DOCK3: variants seen among roughly 807,000 people sequenced by gnomAD.
DOCK3 encodes the protein dedicator of cytokinesis 3.
DOCK3 carries 60 observed loss-of-function variants against 265.6 expected under a neutral mutation model. The observed-to-expected ratio is 0.23, with a 90% CI of 0.18 to 0.28. The LOEUF (loss-of-function observed/expected upper bound fraction) is 0.28. Among genes scored for constraint, DOCK3 ranks in the 10% least tolerant of loss-of-function variants. DOCK3 has a pLI of 1.00. For missense variants in DOCK3, 1,981 were observed against 2,594.3 expected (o/e 0.76, Z 5.14); for synonymous variants, 881 against 938.0 (o/e 0.94, Z 1.11).
intron 1 of DOCK3, among the ~76,000 whole-genome samples, chr3:50,759,579 T>G (rs540072183): frequency 6.6e-6 from 1 of 151,472 alleles, no homozygotes; most frequent in Admixed American, 6.6e-5. Context: ...GGCCCACACC[T>G]GTAATCCCAG....
intron 1 of DOCK3, among the ~76,000 whole-genome samples, chr3:50,678,808 ATT>A (rs5848883): frequency 6.0e-5 from 9 of 150,060 alleles, no homozygotes; most frequent in East Asian, 2.0e-4. Context: ...TGCCTGCCTA[ATT>A]TTTTTTTTTC....
intron 27 of DOCK3, among the ~76,000 whole-genome samples, chr3:51,303,223 C>T (rs929480835): frequency 2.6e-5 from 4 of 151,930 alleles, no homozygotes; most frequent in African/African-American, 7.3e-5. Flanking sequence ...CTTGTGTTTA[C>T]ACTGTGAAGT....
At chr3:51,223,443 G>C (rs1435103428) in intron 14 of DOCK3, among the ~76,000 whole-genome samples, 1 of 152,048 alleles carries the variant, frequency 6.6e-6, no homozygotes, top group Non-Finnish European at 1.5e-5. Flanking sequence ...ATAACTTCCA[G>C]AGAGTTCAAA....
At position 51,358,096 on chromosome 3, in the gene DOCK3, T is replaced by C; in HGVS notation, c.4884+19T>C. On this transcript the variant is annotated intron_variant, in intron 46 of 52. Coordinates refer to ENST00000266037, the MANE Select transcript of DOCK3 (RefSeq NM_004947.5). ...CTACCATGTAAGTTGATCCCTGTCCTGCCCCTGCTGCAGTAGAACCAGGTG... is the reference window on the plus strand; with the variant it reads ...CTACCATGTAAGTTGATCCCTGTCCCGCCCCTGCTGCAGTAGAACCAGGTG... 1 of 1,609,372 alleles carries C rather than the reference T, an allele frequency of 6.2e-7. No individual in the cohort carries two copies. The highest frequency in any genetic ancestry group is 2.2e-5 in the East Asian group (1 of 44,866).
intron 27 of DOCK3, among the ~76,000 whole-genome samples, chr3:51,286,345 T>G (rs1420194295): frequency 6.6e-6 from 1 of 152,182 alleles, no homozygotes; most frequent in Non-Finnish European, 1.5e-5. Context: ...ACATTCCATG[T>G]TCATGGCTAG....
intron 1 of DOCK3, among the ~76,000 whole-genome samples, chr3:50,690,886 C>G (rs1410516317): frequency 6.6e-6 from 1 of 151,794 alleles, no homozygotes; most frequent in Admixed American, 6.6e-5. Flanking sequence ...CGTGATCCAC[C>G]CACCTCGGCT....
intron 2 of DOCK3, among the ~76,000 whole-genome samples, chr3:50,805,539 C>A (rs142224959): frequency 6.6e-6 from 1 of 152,098 alleles, no homozygotes; most frequent in South Asian, 2.1e-4. Context: ...GCAGGCACAC[C>A]GCTGCTTAGC....
rs376609255 is a variant in DOCK3, at chr3:51,153,074, T to C, written c.829-6170T>C. Among the ~76,000 whole-genome samples the C allele has an allele frequency of 1.8e-4, 28 of 152,392 alleles. 1 individual carries two copies. Among genetic ancestry groups the C allele is most frequent in the East Asian group, 1.5e-3 (8 of 5,188 alleles). On this transcript the variant is annotated intron_variant, in intron 10 of 52. Coordinates refer to ENST00000266037, the MANE Select transcript of DOCK3 (RefSeq NM_004947.5). Reference sequence around the variant, plus strand: ...CGTTTAAGTCTGCAGAAGTTTCTGCTGCCTTTTGTTCAGCTATGCCCTGCC... The same window carrying C: ...CGTTTAAGTCTGCAGAAGTTTCTGCCGCCTTTTGTTCAGCTATGCCCTGCC...
rs2081408891 is a variant in DOCK3, at chr3:51,286,441, T to C, written c.2922+6237T>C. On this transcript the variant is annotated intron_variant, in intron 27 of 52. Transcript: ENST00000266037. ...ATTGCTATTCCTATTAAATTACCAA[T>C]GACATTTCTCACAGAATTAAAAACT... Among the ~76,000 whole-genome samples, 7 of 152,176 alleles carry C rather than the reference T, an allele frequency of 4.6e-5. 1 individual carries two copies. The South Asian group carries it at 1.4e-3, about 32-fold the overall frequency.
chr3:51,058,378 AT>A (rs1385817479), intron 5 of DOCK3, among the ~76,000 whole-genome samples: 1 of 152,212 alleles, frequency 6.6e-6, no homozygotes, highest in African/African-American at 2.4e-5. Flanking sequence ...TATTGTAGTT[AT>A]CTTTGGAAAA....
In DOCK3 at chr3:50,990,350, G is replaced by A. The variant is rs190450460; in HGVS notation, c.315+56273G>A. Among the ~76,000 whole-genome samples the A allele has an allele frequency of 3.9e-5, 6 of 152,196 alleles. No individual in the cohort carries two copies. In the East Asian group the frequency reaches 5.8e-4, roughly 15 times the overall value. Reference sequence around the variant, plus strand: ...CCAGATCATCCCCAAGACACATCACGTAACTGTCAGATGTTCTAAGGTTGA... The same window carrying A: ...CCAGATCATCCCCAAGACACATCACATAACTGTCAGATGTTCTAAGGTTGA... On this transcript the variant is annotated intron_variant, in intron 5 of 52. Coordinates refer to ENST00000266037, the MANE Select transcript of DOCK3 (RefSeq NM_004947.5).
At chr3:51,072,013 T>C (rs940397670) in intron 6 of DOCK3, among the ~76,000 whole-genome samples, 1 of 152,228 alleles carries the variant, frequency 6.6e-6, no homozygotes, top group Non-Finnish European at 1.5e-5. Context: ...TATTCTCTTA[T>C]TTCTCAAGAT....
intron 7 of DOCK3, among the ~76,000 whole-genome samples, chr3:51,088,375 T>G (rs1317336618): frequency 6.6e-6 from 1 of 152,176 alleles, no homozygotes; most frequent in Admixed American, 6.5e-5. Flanking sequence ...TAGTTAACAG[T>G]AATTTATTCT....
rs767455758 is a variant in DOCK3 at position 51,089,296 on chromosome 3, T to C, written c.591+12T>C. The C allele has an allele frequency of 7.5e-6, 12 of 1,606,688 alleles. No homozygotes were observed. In the Admixed American group the frequency reaches 1.7e-4, roughly 23 times the overall value. On this transcript the variant is annotated intron_variant, in intron 8 of 52. Coordinates refer to ENST00000266037, the MANE Select transcript of DOCK3 (RefSeq NM_004947.5). ...AAAGCACATCCCAGGTAAGCGGCTT[T>C]CCTGGGTCTTCCAGCCTTTCCCCTC...
intron 3 of DOCK3, among the ~76,000 whole-genome samples, chr3:50,847,086 T>C (rs2046121644): frequency 6.6e-6 from 1 of 152,152 alleles, no homozygotes; most frequent in Non-Finnish European, 1.5e-5. Context: ...TATTTTTTTT[T>C]CTAACTTTTT....
intron 5 of DOCK3, among the ~76,000 whole-genome samples, chr3:50,976,014 C>G (rs1435909536): frequency 6.6e-6 from 1 of 151,260 alleles, no homozygotes; most frequent in African/African-American, 2.4e-5. Context: ...TTTATTGCGT[C>G]TATTTGATTC....
At chr3:51,045,825 C>T (rs1197821652) in intron 5 of DOCK3, among the ~76,000 whole-genome samples, 1 of 152,042 alleles carries the variant, frequency 6.6e-6, no homozygotes, top group Non-Finnish European at 1.5e-5. Context: ...TTTAAAATAT[C>T]AAGTCATTCT....
chr3:51,323,262 C>G (rs1200950320), intron 32 of DOCK3, among the ~76,000 whole-genome samples: 2 of 152,080 alleles, frequency 1.3e-5, no homozygotes, highest in African/African-American at 4.8e-5. Context: ...TAGTGGGAGT[C>G]TTTAACACCC....
rs1438813144 is a variant in DOCK3 at position 51,376,555 on chromosome 3, A to C, written c.5500+720A>C. 2.0e-5 allele frequency among the ~76,000 whole-genome samples: 3 copies of C among 152,106 alleles called. No homozygotes were observed. In the East Asian group the frequency reaches 5.8e-4, roughly 29 times the overall value. On this transcript the variant is annotated intron_variant, in intron 51 of 52. Coordinates refer to ENST00000266037, the MANE Select transcript of DOCK3 (RefSeq NM_004947.5). ...GTTAATTTTAACAGAGAGTAATACTAAGTGCTGAGCCTTCCTGCCACCCAG... is the reference window on the plus strand; with the variant it reads ...GTTAATTTTAACAGAGAGTAATACTCAGTGCTGAGCCTTCCTGCCACCCAG...
Sources: gnomAD v4.1 joint callset for allele counts (sites outside exome capture counted in the v4.1 genomes callset) on GRCh38, gnomAD v4.1.1 for gene constraint, MANE v1.5 for transcripts, NCBI Gene and HGNC (gene_info 2026-07-23, HGNC 2026-07-21) for gene names.